ENAH: variants seen among roughly 807,000 people sequenced by gnomAD.
The protein encoded by ENAH is protein enabled homolog.
In ENAH, 23 loss-of-function variants were observed where a neutral mutation model predicts 78.7. The ratio of observed to expected loss-of-function variants is 0.29; its 90% confidence interval spans 0.21 to 0.41. The LOEUF is 0.41. Among genes scored for constraint, ENAH ranks in the 10% least tolerant of loss-of-function variants. The probability of loss-of-function intolerance (pLI) is 1.00; values close to 1 mark genes in which losing one functional copy is unlikely to be tolerated. For synonymous variants in ENAH, 226 were observed against 241.0 expected, an observed-to-expected ratio of 0.94 and a Z score of 0.58; for missense variants, 544 against 691.0, an observed-to-expected ratio of 0.79 and a Z score of 2.39.
At chr1:225,571,371 T>G (rs185068924) in intron 1 of ENAH, among the ~76,000 whole-genome samples, 4 of 150,502 alleles carry the variant, frequency 2.7e-5, no homozygotes, top group South Asian at 4.2e-4. Flanking sequence ...AGACTCTGTC[T>G]CAAAAAAAAA....
Position 225,491,955 on chromosome 1 carries a change from T to C in ENAH, c.*5820A>G, listed in dbSNP as rs1479433652. 2.6e-5 allele frequency: 4 copies of C among 152,210 alleles called. No individual in the cohort carries two copies. The highest frequency in any genetic ancestry group is 2.9e-5 in the Non-Finnish European group (2 of 68,042). The allele number at this position is 152,210 out of a possible 1,614,324, so 9.4% of individuals were successfully genotyped here. A position where few individuals can be genotyped will look rare whatever the true frequency, so the allele number is the denominator to read the frequency against. ...AGGGAACAGTTAAATCAGATTTACATGATAAACTATGGGTTGTCATTTGTA... is the reference window on the plus strand; with the variant it reads ...AGGGAACAGTTAAATCAGATTTACACGATAAACTATGGGTTGTCATTTGTA... On this transcript the variant is annotated 3_prime_UTR_variant, in exon 14 of 14. Coordinates refer to ENST00000366843, the MANE Select transcript of ENAH (RefSeq NM_018212.6).
chr1:225,565,387 A>G (rs1374779969), intron 2 of ENAH, among the ~76,000 whole-genome samples: 1 of 152,160 alleles, frequency 6.6e-6, no homozygotes, highest in Admixed American at 6.5e-5. Context: ...GTGAGCCACA[A>G]TCACGCCATT....
intron 1 of ENAH, among the ~76,000 whole-genome samples, chr1:225,598,573 T>C (rs769918554): frequency 6.6e-6 from 1 of 151,966 alleles, no homozygotes; most frequent in Non-Finnish European, 1.5e-5. Flanking sequence ...ACCATCTCTA[T>C]GTTTTAAGGG....
At chr1:225,649,942 C>T (rs1201099471) in intron 1 of ENAH, among the ~76,000 whole-genome samples, 1 of 152,148 alleles carries the variant, frequency 6.6e-6, no homozygotes, top group Non-Finnish European at 1.5e-5. Flanking sequence ...TCAGAACTAC[C>T]TCTTAATATA....
intron 1 of ENAH, among the ~76,000 whole-genome samples, chr1:225,625,163 T>G (rs1449371305): frequency 2.0e-5 from 3 of 152,226 alleles, no homozygotes; most frequent in African/African-American, 7.2e-5. Flanking sequence ...TGAAAAATCC[T>G]TAGGCTATGA....
chr1:225,516,876 A>G (rs1445128404), intron 6 of ENAH, among the ~76,000 whole-genome samples: 1 of 150,962 alleles, frequency 6.6e-6, no homozygotes, highest in African/African-American at 2.4e-5. Flanking sequence ...TCTGTCTCAA[A>G]AAAACAAAAA....
At chr1:225,620,362 C>T (rs1325914784) in intron 1 of ENAH, among the ~76,000 whole-genome samples, 1 of 151,748 alleles carries the variant, frequency 6.6e-6, no homozygotes, top group East Asian at 1.9e-4. Context: ...CCCGTATCTA[C>T]CAAAAATACA....
chr1:225,557,768 C>G (rs1443972335), intron 2 of ENAH, among the ~76,000 whole-genome samples: 1 of 152,176 alleles, frequency 6.6e-6, no homozygotes, highest in Non-Finnish European at 1.5e-5. Flanking sequence ...TTGCAGTGAG[C>G]TGAGACTCTG....
At chr1:225,507,824 G>A in intron 11 of ENAH, 127 bp downstream of exon 11, 1 of 564,614 alleles carries the variant, frequency 1.8e-6, no homozygotes, top group East Asian at 3.2e-5. Flanking sequence ...CCAATACTAG[G>A]AGGATCACGA....
chr1:225,523,583 G>C (rs1440303778), intron 4 of ENAH, among the ~76,000 whole-genome samples: 3 of 152,108 alleles, frequency 2.0e-5, no homozygotes, highest in African/African-American at 7.2e-5. Context: ...AGAAAAGAAA[G>C]TGTTGAACAC....
In ENAH at chr1:225,491,043, A is replaced by G. The variant is rs570452353; in HGVS notation, c.*6732T>C. ...GGTGGAGGGAAACTCCATATTTAAAATGCCCAGTGCCTCGGTCAGCAGAAC... is the reference window on the plus strand; with the variant it reads ...GGTGGAGGGAAACTCCATATTTAAAGTGCCCAGTGCCTCGGTCAGCAGAAC... On this transcript the variant is annotated 3_prime_UTR_variant, in exon 14 of 14. Transcript: ENST00000366843. 1 of 152,334 alleles carries G rather than the reference A, an allele frequency of 6.6e-6. No individual in the cohort carries two copies. Among genetic ancestry groups the G allele is most frequent in the African/African-American group, 2.4e-5 (1 of 41,572 alleles). The allele number at this position is 152,334 out of a possible 1,614,324, so 9.4% of individuals were successfully genotyped here.
chr1:225,599,333 TATC>T (rs756561553), intron 1 of ENAH, among the ~76,000 whole-genome samples: 2 of 152,198 alleles, frequency 1.3e-5, no homozygotes, highest in Non-Finnish European at 2.9e-5. Flanking sequence ...CAGTAAGAAA[TATC>T]ATTGGGAAAT....
chr1:225,564,537 C>T (rs2096725397), intron 2 of ENAH, among the ~76,000 whole-genome samples: 1 of 151,396 alleles, frequency 6.6e-6, no homozygotes, highest in Non-Finnish European at 1.5e-5. Context: ...TCAGGTGATC[C>T]ACCCACCTTG....
At chr1:225,544,955 T>A (rs74842579) in intron 3 of ENAH, among the ~76,000 whole-genome samples, 3,008 of 152,294 alleles carry the variant, frequency 0.02, 97 homozygotes, top group African/African-American at 0.066. Flanking sequence ...AGCTAATTGC[T>A]GGGCAATTTT....
At chr1:225,653,418 C>A (rs977008235), upstream of ENAH, among the ~76,000 whole-genome samples, 1 of 150,766 alleles carries the variant, frequency 6.6e-6, no homozygotes. This position sits in a 1 kb window ranked among gnomAD's most constrained non-coding sequence, Gnocchi z 4.3. Flanking sequence ...GCCACCACCC[C>A]CCCCTCCCGC....
chr1:225,611,464 G>A (rs1012054527), intron 1 of ENAH, among the ~76,000 whole-genome samples: 5 of 152,012 alleles, frequency 3.3e-5, no homozygotes, highest in Non-Finnish European at 7.4e-5. Context: ...GACTACAAGC[G>A]TGCATCACCA....
intron 1 of ENAH, among the ~76,000 whole-genome samples, chr1:225,628,258 C>T (rs763030276): frequency 1.3e-5 from 2 of 152,214 alleles, no homozygotes; most frequent in Non-Finnish European, 2.9e-5. Flanking sequence ...TGGTACAACA[C>T]TTTTGGAAAG....
At chr1:225,632,674 A>G (rs572637319) in intron 1 of ENAH, among the ~76,000 whole-genome samples, 2 of 152,388 alleles carry the variant, frequency 1.3e-5, no homozygotes, top group African/African-American at 4.8e-5. Flanking sequence ...AAGCATCTAC[A>G]TATAGTTGAA....
At chr1:225,623,541 C>G (rs975542648) in intron 1 of ENAH, among the ~76,000 whole-genome samples, 2 of 151,568 alleles carry the variant, frequency 1.3e-5, no homozygotes, top group Non-Finnish European at 2.9e-5. Context: ...CTTCCTGCCC[C>G]CCAAGTTGTG....
Sources: allele counts gnomAD v4.1 joint callset (sites outside exome capture counted in the v4.1 genomes callset), GRCh38; gene constraint gnomAD v4.1.1; non-coding constraint Gnocchi (gnomAD v3.1); transcripts MANE v1.5; gene names NCBI Gene and HGNC (gene_info 2026-07-23, HGNC 2026-07-21).